Variants in SCFD1 observed in about 807,000 individuals in gnomAD.
SCFD1 encodes sec1 family domain containing 1, also known as sec1 family domain-containing protein 1.
Under a neutral mutation model 103.2 loss-of-function variants are expected in SCFD1, and 37 were observed. That is an observed-to-expected ratio of 0.36 (90% CI 0.28 to 0.47). The LOEUF (loss-of-function observed/expected upper bound fraction) is 0.47, where lower values mean the gene tolerates loss of function less well. SCFD1 is among the 20% of genes least tolerant of loss of function. SCFD1 has a pLI of 1.00. For synonymous variants in SCFD1, 264 were observed against 245.0 expected, an observed-to-expected ratio of 1.08 and a Z score of -0.73; for missense variants, 639 against 761.2, an observed-to-expected ratio of 0.84 and a Z score of 1.89.
Position 30,694,855 on chromosome 14 carries a change from T to C in SCFD1, c.1325T>C (p.Ile442Thr), listed in dbSNP as rs1003323552. Residue 442 changes from isoleucine (I) to threonine (T), a missense_variant, in exon 15 of 25, where the codon ATA becomes ACA. Ile to Thr is a moderately conservative substitution (Grantham distance 89, BLOSUM62 -1). Transcript: ENST00000458591. ...TTLDKSLLDI[I>T]SDPDAGTPED... ...CTGGATAAATCTCTTCTAGATATAA[T>C]ATCAGACCCTGATGGTATGTACCAA... 2 of 1,586,190 alleles carry C rather than the reference T, an allele frequency of 1.3e-6. No homozygotes were observed. The highest frequency in any genetic ancestry group is 3.8e-5 in the Admixed American group (2 of 52,180).
chr14:30,660,619 AC>A (rs972157010), intron 10 of SCFD1, among the ~76,000 whole-genome samples: 36 of 151,774 alleles, frequency 2.4e-4, no homozygotes, highest in Non-Finnish European at 5.3e-4. Flanking sequence ...TATATAAATA[AC>A]TTTTTTTTTT....
intron 15 of SCFD1, among the ~76,000 whole-genome samples, chr14:30,696,723 C>A (rs1181784378): frequency 1.3e-5 from 2 of 152,118 alleles, no homozygotes; most frequent in African/African-American, 4.8e-5. Flanking sequence ...TGCACAGGAA[C>A]AAACCAGCTT....
rs146751126 is a variant in SCFD1 at position 30,642,514 on chromosome 14, T to C, written c.524-802T>C. ...CCCCATATTCCCTGGGTGATTCTTA[T>C]ACTCAGTAAAGTTTGGGAACTACTT... On this transcript the variant is annotated intron_variant, in intron 6 of 24. Transcript: ENST00000458591. Among the ~76,000 whole-genome samples, 5 of 152,340 alleles carry C rather than the reference T, an allele frequency of 3.3e-5. No homozygotes were observed. In the East Asian group the frequency reaches 5.8e-4, roughly 18 times the overall value.
intron 8 of SCFD1, 55 bp downstream of exon 8, chr14:30,649,638 C>A: frequency 2.3e-6 from 3 of 1,282,646 alleles, no homozygotes; most frequent in Non-Finnish European, 3.3e-6. Flanking sequence ...AATTGTTTTC[C>A]CACAAGTAAC....
intron 23 of SCFD1, among the ~76,000 whole-genome samples, chr14:30,726,544 A>G (rs1264836724): frequency 6.6e-6 from 1 of 150,488 alleles, no homozygotes; most frequent in East Asian, 1.9e-4. Flanking sequence ...TCTTGCTTAT[A>G]TACCAAAATG....
At chr14:30,645,779 A>G (rs1357608848) in intron 7 of SCFD1, among the ~76,000 whole-genome samples, 5 of 152,212 alleles carry the variant, frequency 3.3e-5, no homozygotes, top group African/African-American at 1.2e-4. Flanking sequence ...GCAAAGAGAT[A>G]GTATGACTTC....
At chr14:30,622,713 C>T (rs1778665590) in intron 1 of SCFD1, among the ~76,000 whole-genome samples, 1 of 152,154 alleles carries the variant, frequency 6.6e-6, no homozygotes, top group South Asian at 2.1e-4. Context: ...ATGTTGCCAC[C>T]TATGAGGTCT....
chr14:30,646,260 A>G (rs994759184), intron 7 of SCFD1, among the ~76,000 whole-genome samples: 1 of 151,520 alleles, frequency 6.6e-6, no homozygotes, highest in African/African-American at 2.4e-5. Flanking sequence ...TGACCTCGTG[A>G]TCCACCTGCC....
At position 30,734,867 on chromosome 14, in the gene SCFD1, T is replaced by C. The variant is rs368975552; in HGVS notation, c.1905+9T>C. 3.7e-6 allele frequency: 6 copies of C among 1,600,440 alleles called. No individual in the cohort carries two copies. Among genetic ancestry groups the C allele is most frequent in the African/African-American group, 2.7e-5 (2 of 74,790 alleles). ...CACAGTTCATAAAACAGGTAAAGTA[T>C]ACATTTGTTGTTTGTTTCTGTTAAC... is the stretch of plus-strand genomic sequence containing the variant. On this transcript the variant is annotated intron_variant, in intron 24 of 24. Transcript: ENST00000458591.
upstream of SCFD1, chr14:30,622,313 C>T (rs1412615096): frequency 1.3e-6 from 2 of 1,593,330 alleles, no homozygotes; most frequent in East Asian, 2.3e-5. Flanking sequence ...CGCTCCCCAG[C>T]CGGGCAGTGG....
At chr14:30,729,789 TG>T (rs1475454733) in intron 23 of SCFD1, among the ~76,000 whole-genome samples, 5 of 152,182 alleles carry the variant, frequency 3.3e-5, no homozygotes, top group African/African-American at 1.2e-4. Flanking sequence ...GAATAGGGGA[TG>T]TTTTCCTTTT....
chr14:30,639,685 T>C (rs1299132616), intron 5 of SCFD1, 92 bp from the exon 6 acceptor site: 9 of 1,295,848 alleles, frequency 6.9e-6, no homozygotes, highest in Non-Finnish European at 9.1e-6. Context: ...TTTTTTTTCA[T>C]TTCTACCATT....
Position 30,719,220 on chromosome 14 carries a change from C to T in SCFD1, c.1684-105C>T, listed in dbSNP as rs1028331845. Reference sequence around the variant, plus strand: ...TTAAGTATTAGGGATGGTTGTTATACATTCTACAAAATTGATAGATTCATT... The same window carrying T: ...TTAAGTATTAGGGATGGTTGTTATATATTCTACAAAATTGATAGATTCATT... On this transcript the variant is annotated intron_variant, in intron 20 of 24. Transcript: ENST00000458591. 11 of 730,778 alleles carry T rather than the reference C, an allele frequency of 1.5e-5. No individual in the cohort carries two copies. The Admixed American group carries it at 1.9e-4, about 12-fold the overall frequency. 45.3% of individuals were successfully genotyped at this position (730,778 alleles called of 1,614,324 possible).
chr14:30,636,929 G>T, intron 4 of SCFD1, among the ~76,000 whole-genome samples: 1 of 151,820 alleles, frequency 6.6e-6, no homozygotes, highest in East Asian at 1.9e-4. Context: ...ATCATTCTTT[G>T]ACCACTTCCT....
At chr14:30,712,982 A>G (rs1196331619) in intron 19 of SCFD1, among the ~76,000 whole-genome samples, 1 of 152,190 alleles carries the variant, frequency 6.6e-6, no homozygotes, top group African/African-American at 2.4e-5. Flanking sequence ...TTGTTGAGCA[A>G]AGAATATTGT....
intron 2 of SCFD1, among the ~76,000 whole-genome samples, chr14:30,628,521 C>T (rs180703827): frequency 1.1e-3 from 168 of 152,290 alleles, no homozygotes; most frequent in African/African-American, 3.9e-3. Flanking sequence ...TAGGATGTCA[C>T]TGATAGGTCT....
intron 1 of SCFD1, among the ~76,000 whole-genome samples, chr14:30,623,629 C>G (rs1260615423): frequency 1.3e-5 from 2 of 152,184 alleles, no homozygotes; most frequent in African/African-American, 4.8e-5. Context: ...GTCAGTAAAA[C>G]TGTACCAATA....
chr14:30,698,404 A>G (rs1169741448), intron 15 of SCFD1, among the ~76,000 whole-genome samples: 1 of 152,228 alleles, frequency 6.6e-6, no homozygotes, highest in East Asian at 1.9e-4. Context: ...GTTCTAAGGC[A>G]GTTATTAACA....
At chr14:30,678,272 T>C (rs1889204822) in intron 14 of SCFD1, among the ~76,000 whole-genome samples, 1 of 152,230 alleles carries the variant, frequency 6.6e-6, no homozygotes, top group South Asian at 2.1e-4. Flanking sequence ...CCTTCAGTCG[T>C]TTTCTAAAGA....
Sources: allele counts gnomAD v4.1 joint callset (sites outside exome capture counted in the v4.1 genomes callset), GRCh38; gene constraint gnomAD v4.1.1; transcripts MANE v1.5; gene names NCBI Gene and HGNC (gene_info 2026-07-23, HGNC 2026-07-21).